ADAMTSL3: variants seen among roughly 807,000 people sequenced by gnomAD.
The protein encoded by ADAMTSL3 is ADAMTS like 3.
ADAMTSL3 carries 128 observed loss-of-function variants against 201.7 expected under a neutral mutation model. That is an observed-to-expected ratio of 0.63 (90% CI 0.55 to 0.73). ADAMTSL3 has a LOEUF of 0.73. Among genes scored for constraint, ADAMTSL3 ranks in the 30% least tolerant of loss-of-function variants. ADAMTSL3 has a pLI of 0.00. For missense variants in ADAMTSL3, 1,990 were observed against 2,119.6 expected, an observed-to-expected ratio of 0.94 and a Z score of 1.20; for synonymous variants, 738 against 748.4, an observed-to-expected ratio of 0.99 and a Z score of 0.23.
At chr15:83,938,771 G>C (rs1459305031) in intron 17 of ADAMTSL3, among the ~76,000 whole-genome samples, 1 of 151,986 alleles carries the variant, frequency 6.6e-6, no homozygotes, top group South Asian at 2.1e-4. Flanking sequence ...TAGTGCTTTA[G>C]CACTGTGTGT....
At chr15:84,025,557 T>G (rs2068291122) in intron 27 of ADAMTSL3, 121 bp downstream of exon 27, 2 of 878,230 alleles carry the variant, frequency 2.3e-6, no homozygotes, top group African/African-American at 3.4e-5. Flanking sequence ...GACTGGTCTC[T>G]GAAATGAATG....
At position 83,885,183 on chromosome 15, in the gene ADAMTSL3, T is replaced by C; in HGVS notation, c.1043T>C (p.Phe348Ser). Residue 348 changes from phenylalanine to serine, a missense_variant, in exon 10 of 30, where the codon TTC becomes TCC. Phe to Ser is a radical substitution (Grantham distance 155). Transcript: ENST00000286744. ...AGTCATCAGTGGAGACAAACTGACT[T>C]CTTTCCCTGCACTGTGACGTGTGGA... ...PISHQWRQTD[F>S]FPCTVTCGGG... 1 of 1,613,990 alleles carries C rather than the reference T, an allele frequency of 6.2e-7. No individual in the cohort carries two copies. The highest frequency in any genetic ancestry group is 8.5e-7 in the Non-Finnish European group (1 of 1,179,896).
At chr15:83,811,874 C>T (rs2063704098) in intron 5 of ADAMTSL3, among the ~76,000 whole-genome samples, 1 of 152,168 alleles carries the variant, frequency 6.6e-6, no homozygotes, top group African/African-American at 2.4e-5. Flanking sequence ...AAGGTTGTGG[C>T]AGTGGAAGTG....
At chr15:83,919,343 C>CT (rs906434758) in intron 16 of ADAMTSL3, among the ~76,000 whole-genome samples, 3 of 152,032 alleles carry the variant, frequency 2.0e-5, no homozygotes, top group Non-Finnish European at 4.4e-5. Context: ...CCGCAAAAGT[C>CT]TATGAGAAGA....
intron 9 of ADAMTSL3, among the ~76,000 whole-genome samples, chr15:83,881,676 G>T (rs1435065153): frequency 6.6e-6 from 1 of 151,556 alleles, no homozygotes; most frequent in Non-Finnish European, 1.5e-5. Context: ...CTGACATGGA[G>T]AAACTGCATC....
chr15:83,771,331 A>T lies in ADAMTSL3; in HGVS notation c.190-2192A>T, dbSNP rs553003267. Among the ~76,000 whole-genome samples, 10 of 152,306 alleles carry T rather than the reference A, an allele frequency of 6.6e-5. No homozygotes were observed. The South Asian group carries it at 1.9e-3, about 28-fold the overall frequency. On this transcript the variant is annotated intron_variant, in intron 3 of 29. Transcript: ENST00000286744. Reference sequence around the variant, plus strand: ...AGATCTACCCTTTTAATAAATTTAGAAGCGTATAGTACAGTATTGGTAATT... The same window carrying T: ...AGATCTACCCTTTTAATAAATTTAGTAGCGTATAGTACAGTATTGGTAATT...
intron 4 of ADAMTSL3, among the ~76,000 whole-genome samples, chr15:83,781,974 G>A (rs911972531): frequency 4.6e-5 from 7 of 152,178 alleles, no homozygotes; most frequent in East Asian, 1.9e-4. Flanking sequence ...GTTGGTGGGA[G>A]TGTAAATTAG....
intron 13 of ADAMTSL3, among the ~76,000 whole-genome samples, chr15:83,893,166 G>T (rs2065545403): frequency 6.6e-6 from 1 of 152,320 alleles, no homozygotes; most frequent in Admixed American, 6.5e-5. Context: ...GAACAAATCT[G>T]TAAAGAACAA....
chr15:83,694,848 A>C, intron 2 of ADAMTSL3, among the ~76,000 whole-genome samples: 1 of 152,214 alleles, frequency 6.6e-6, no homozygotes, highest in East Asian at 1.9e-4. Context: ...TCCATGTATA[A>C]AGCCCAGTGC....
rs1420528491 is a variant in ADAMTSL3 at position 83,982,614 on chromosome 15, A to G, written c.2986A>G (p.Ile996Val). 7 of 1,614,098 alleles carry G rather than the reference A, an allele frequency of 4.3e-6. No individual in the cohort carries two copies. The highest frequency in any genetic ancestry group is 2.2e-5 in the East Asian group (1 of 44,900). The stretch of plus-strand genomic sequence containing the variant: ...ACAGGAAACAGTTGTGCTCAAGCTC[A>G]TTGGTACTGACAACCGGCTCATCGC... ...SAQETVVLKL[I>V]GTDNRLIARP... is the part of the protein sequence containing the mutation. The change falls in exon 21 of 30, where the codon ATT becomes GTT. Residue 996 changes from isoleucine to valine, a missense_variant. Transcript: ENST00000286744.
chr15:83,672,430 G>T (rs1180863750), intron 2 of ADAMTSL3, among the ~76,000 whole-genome samples: 2 of 152,198 alleles, frequency 1.3e-5, no homozygotes, highest in East Asian at 1.9e-4. Flanking sequence ...GGCCTGTGAA[G>T]AGGCTCTTCC....
Position 83,929,087 on chromosome 15 carries a change from A to G in ADAMTSL3, c.2117+5054A>G, listed in dbSNP as rs141280543. ...ATCCATGTGCACACACGACTATGAAAGATCTTTATCTTTCTAAGTTGCAAA... is the reference window on the plus strand; with the variant it reads ...ATCCATGTGCACACACGACTATGAAGGATCTTTATCTTTCTAAGTTGCAAA... On this transcript the variant is annotated intron_variant, in intron 17 of 29. Transcript: ENST00000286744. Among the ~76,000 whole-genome samples, 79 of 152,310 alleles carry G rather than the reference A, an allele frequency of 5.2e-4. 3 individuals carry two copies. In the East Asian group the frequency reaches 7.7e-3, roughly 15 times the overall value.
Position 83,892,793 on chromosome 15 carries a change from G to A in ADAMTSL3, c.1372G>A (p.Glu458Lys), listed in dbSNP as rs779110822. 6.2e-7 allele frequency: 1 copy of A among 1,614,134 alleles called. No individual in the cohort carries two copies. Among genetic ancestry groups the A allele is most frequent in the Non-Finnish European group, 8.5e-7 (1 of 1,180,004 alleles). ...ESMHGEILQV[E>K]EWKCMYAPKP... The stretch of plus-strand genomic sequence containing the variant: ...CATGCATGGAGAGATATTGCAGGTG[G>A]AAGAATGGAAGTGCATGTACGCACC... The change falls in exon 13 of 30, where the codon GAA (glutamate) becomes AAA (lysine). Residue 458 changes from glutamate (E) to lysine (K), a missense_variant. Coordinates refer to ENST00000286744, the MANE Select transcript of ADAMTSL3 (RefSeq NM_207517.3).
chr15:84,002,917 CTTTCT>C (rs1236660045), intron 23 of ADAMTSL3, among the ~76,000 whole-genome samples: 70 of 131,136 alleles, frequency 5.3e-4, no homozygotes, highest in African/African-American at 1.9e-3. Context: ...TCTCTTTTTT[CTTTCT>C]TTTCTTTTCT....
chr15:83,924,802 TTA>T (rs1405325655), intron 17 of ADAMTSL3, among the ~76,000 whole-genome samples: 1 of 152,174 alleles, frequency 6.6e-6, no homozygotes, highest in African/African-American at 2.4e-5. Context: ...TTTACCCTTA[TTA>T]TCTTGTGACC....
At chr15:83,798,342 C>T (rs539098012) in intron 4 of ADAMTSL3, among the ~76,000 whole-genome samples, 2 of 152,160 alleles carry the variant, frequency 1.3e-5, no homozygotes, top group East Asian at 1.9e-4. Flanking sequence ...AGAAAACATC[C>T]TAAATCAAAT....
rs192497073 is a variant in ADAMTSL3, at chr15:83,703,649, A to T, written c.70-740A>T. On this transcript the variant is annotated intron_variant, in intron 2 of 29. Coordinates refer to ENST00000286744, the MANE Select transcript of ADAMTSL3 (RefSeq NM_207517.3). ...AGTGCCTTTCACCTCCTGCCATGATACTGAGGCCTCCCCAGCCACGTGGAA... is the reference window on the plus strand; with the variant it reads ...AGTGCCTTTCACCTCCTGCCATGATTCTGAGGCCTCCCCAGCCACGTGGAA... Among the ~76,000 whole-genome samples, 14 of 152,134 alleles carry T rather than the reference A, an allele frequency of 9.2e-5. 1 individual carries two copies. Among genetic ancestry groups the T allele is most frequent in the Admixed American group, 9.2e-4 (14 of 15,286 alleles).
rs78297067 is a variant in ADAMTSL3, at chr15:83,656,800, A to T, written c.69+970A>T. On this transcript the variant is annotated intron_variant, in intron 2 of 29. Coordinates refer to ENST00000286744, the MANE Select transcript of ADAMTSL3 (RefSeq NM_207517.3). ...GGGTCTCGGAAGGGACTTGTCACTT[A>T]AGGGCTTAAATGTCTGTTAAATAAA... Among the ~76,000 whole-genome samples, 626 of 152,328 alleles carry T rather than the reference A, an allele frequency of 4.1e-3. 6 individuals are homozygous for T. Among genetic ancestry groups the T allele is most frequent in the African/African-American group, 0.015 (604 of 41,576 alleles).
At chr15:84,028,771 T>TAATCCTCAATATCCCCAC (rs1341511437) in intron 27 of ADAMTSL3, among the ~76,000 whole-genome samples, 4 of 152,200 alleles carry the variant, frequency 2.6e-5, no homozygotes, top group African/African-American at 9.6e-5. Context: ...ATAATCCCCA[T>TAATCCTCAATATCCCCAC]AATCCTCAAT....
Sources: allele counts gnomAD v4.1 joint callset (sites outside exome capture counted in the v4.1 genomes callset), GRCh38; gene constraint gnomAD v4.1.1; transcripts MANE v1.5; gene names NCBI Gene and HGNC (gene_info 2026-07-23, HGNC 2026-07-21).